Variants in PPM1H observed in about 807,000 individuals in gnomAD.
PPM1H encodes protein phosphatase, Mg2+/Mn2+ dependent 1H.
Under a neutral mutation model 54.9 loss-of-function variants are expected in PPM1H, and 27 were observed. The ratio of observed to expected loss-of-function variants is 0.49; its 90% confidence interval spans 0.36 to 0.68. The LOEUF is 0.68. Among genes scored for constraint, PPM1H ranks in the 30% least tolerant of loss-of-function variants. The pLI, the probability that PPM1H is intolerant of heterozygous loss-of-function variation, is 0.00. For missense variants in PPM1H, 596 were observed against 667.8 expected (o/e 0.89, Z 1.19); for synonymous variants, 305 against 270.8 (o/e 1.13, Z -1.24).
intron 8 of PPM1H, among the ~76,000 whole-genome samples, chr12:62,676,493 C>T (rs1328442225): frequency 6.6e-6 from 1 of 152,284 alleles, no homozygotes; most frequent in South Asian, 2.1e-4. Context: ...CCAGGCATCC[C>T]TATGCTCTTG....
intron 8 of PPM1H, among the ~76,000 whole-genome samples, chr12:62,672,079 C>T (rs554494028): frequency 1.9e-4 from 29 of 152,244 alleles, no homozygotes; most frequent in Admixed American, 7.2e-4. Flanking sequence ...ACACCTGGTT[C>T]ACTGAATGAA....
At chr12:62,756,768 G>T (rs1222728335) in intron 4 of PPM1H, among the ~76,000 whole-genome samples, 4 of 152,116 alleles carry the variant, frequency 2.6e-5, no homozygotes, top group Non-Finnish European at 4.4e-5. Context: ...ATGACGGCAC[G>T]TGAAAGCCTA....
chr12:62,862,018 G>T (rs557707183), intron 1 of PPM1H, among the ~76,000 whole-genome samples: 1 of 152,160 alleles, frequency 6.6e-6, no homozygotes, highest in Non-Finnish European at 1.5e-5. Flanking sequence ...ATGCTTATGC[G>T]CAAATCTGGT....
intron 4 of PPM1H, among the ~76,000 whole-genome samples, chr12:62,742,488 G>A (rs1001931500): frequency 2.0e-5 from 3 of 152,162 alleles, no homozygotes; most frequent in African/African-American, 4.8e-5. Flanking sequence ...GGTTTCAAAC[G>A]GAACGAAATG....
At chr12:62,887,216 G>A (rs941860174) in intron 1 of PPM1H, among the ~76,000 whole-genome samples, 1 of 152,230 alleles carries the variant, frequency 6.6e-6, no homozygotes, top group Non-Finnish European at 1.5e-5. Flanking sequence ...GTAGTACAGG[G>A]TAAGAGAAGT....
At chr12:62,725,845 A>G (rs77441082) in intron 5 of PPM1H, among the ~76,000 whole-genome samples, 11 of 152,202 alleles carry the variant, frequency 7.2e-5, no homozygotes, top group Admixed American at 2.0e-4. Flanking sequence ...AAAAAAAAAC[A>G]AAGACGTGTC....
intron 2 of PPM1H, among the ~76,000 whole-genome samples, chr12:62,822,029 T>G (rs1016718436): frequency 2.6e-5 from 4 of 151,842 alleles, no homozygotes; most frequent in Non-Finnish European, 5.9e-5. Flanking sequence ...TGCAGAGACA[T>G]ACATAGGCTC....
chr12:62,792,693 A>G (rs1191531839), intron 3 of PPM1H, among the ~76,000 whole-genome samples: 2 of 152,190 alleles, frequency 1.3e-5, no homozygotes, highest in Non-Finnish European at 2.9e-5. Context: ...CAACTAGAAC[A>G]TATTCTAAAA....
At position 62,934,838 on chromosome 12, in the gene PPM1H, G is replaced by T; in HGVS notation, c.-102C>A. 8.5e-7 allele frequency: 1 copy of T among 1,175,290 alleles called. No individual in the cohort carries two copies. The allele number at this position is 1,175,290 out of a possible 1,614,324, so 72.8% of individuals were successfully genotyped here. The stretch of plus-strand genomic sequence containing the variant: ...GGCTGCGGTGGGCGCCGGGCGCACG[G>T]CGAGTCGGGCCACTGGGACGCGCCG... On this transcript the variant is annotated 5_prime_UTR_variant, in exon 1 of 10. Transcript: ENST00000228705. This position sits in a 1 kb window ranked among gnomAD's most constrained non-coding sequence, Gnocchi z 4.2.
At chr12:62,747,351 A>T (rs1592577440) in intron 4 of PPM1H, among the ~76,000 whole-genome samples, 1 of 151,940 alleles carries the variant, frequency 6.6e-6, no homozygotes, top group East Asian at 1.9e-4. Context: ...GGTCAGGCTG[A>T]TCTCAAACTC....
intron 9 of PPM1H, among the ~76,000 whole-genome samples, chr12:62,654,946 C>T (rs2075836121): frequency 6.6e-6 from 1 of 152,160 alleles, no homozygotes. Flanking sequence ...GATTCCTTCA[C>T]ACGGCTTCTC....
intron 1 of PPM1H, among the ~76,000 whole-genome samples, chr12:62,872,442 A>G (rs1302535401): frequency 6.6e-6 from 1 of 152,228 alleles, no homozygotes; most frequent in Non-Finnish European, 1.5e-5. Context: ...AATGGCATAG[A>G]TGGAATATGA....
chr12:62,865,035 T>A (rs1426633971), intron 1 of PPM1H, among the ~76,000 whole-genome samples: 1 of 152,170 alleles, frequency 6.6e-6, no homozygotes. Flanking sequence ...GCCAAATGAA[T>A]TCTCTCTCGG....
chr12:62,835,546 T>G (rs986235742), intron 1 of PPM1H, among the ~76,000 whole-genome samples: 1 of 152,236 alleles, frequency 6.6e-6, no homozygotes, highest in Non-Finnish European at 1.5e-5. Context: ...CTTTGCCATT[T>G]CATGTTGAAC....
intron 1 of PPM1H, among the ~76,000 whole-genome samples, chr12:62,897,066 CAG>C (rs1852458196): frequency 8.1e-6 from 1 of 123,990 alleles, no homozygotes; most frequent in Non-Finnish European, 1.6e-5. Context: ...CACTTGGACA[CAG>C]GGTGGGGAAC....
intron 3 of PPM1H, among the ~76,000 whole-genome samples, chr12:62,797,042 G>C (rs1200718838): frequency 6.6e-6 from 1 of 152,130 alleles, no homozygotes; most frequent in African/African-American, 2.4e-5. Context: ...TTGTATGTCA[G>C]GACATGGAGT....
At chr12:62,903,090 T>G (rs569900470) in intron 1 of PPM1H, among the ~76,000 whole-genome samples, 9 of 152,204 alleles carry the variant, frequency 5.9e-5, no homozygotes, top group Non-Finnish European at 8.8e-5. Flanking sequence ...TGTCACCCCC[T>G]CCTGAGACAC....
intron 8 of PPM1H, among the ~76,000 whole-genome samples, chr12:62,688,905 A>G (rs1231754021): frequency 6.6e-6 from 1 of 152,228 alleles, no homozygotes; most frequent in African/African-American, 2.4e-5. Context: ...CTGAGACAGG[A>G]GAATCACTTG....
At chr12:62,917,383 T>C (rs190161366) in intron 1 of PPM1H, among the ~76,000 whole-genome samples, 1 of 152,310 alleles carries the variant, frequency 6.6e-6, no homozygotes, top group African/African-American at 2.4e-5. Context: ...TCTTCATTTC[T>C]TTTTTTCCTG....
Sources: allele counts gnomAD v4.1 joint callset (sites outside exome capture counted in the v4.1 genomes callset), GRCh38; gene constraint gnomAD v4.1.1; non-coding constraint Gnocchi (gnomAD v3.1); transcripts MANE v1.5; gene names NCBI Gene and HGNC (gene_info 2026-07-23, HGNC 2026-07-21).